UBXN2B: variants seen among roughly 807,000 people sequenced by gnomAD.
UBXN2B encodes UBX domain-containing protein 2B.
In UBXN2B, 19 loss-of-function variants were observed where a neutral mutation model predicts 37.5. The ratio of observed to expected loss-of-function variants is 0.51; its 90% CI spans 0.35 to 0.74. The LOEUF (loss-of-function observed/expected upper bound fraction) is 0.74. UBXN2B is among the 30% of genes least tolerant of loss of function. UBXN2B has a pLI of 0.01. For missense variants in UBXN2B, 370 were observed against 393.2 expected (o/e 0.94, Z 0.50); for synonymous variants, 145 against 143.8 (o/e 1.01, Z -0.06).
rs753203604 is a variant in UBXN2B at position 58,439,621 on chromosome 8, C to G, written c.534-12C>G. On this transcript the variant is annotated splice_polypyrimidine_tract_variant and intron_variant, in intron 5 of 7. Transcript: ENST00000399598. ...AAACTTAATGATAACTTTTTTCCCC[C>G]CTTTTTAAAAGAGAGATTCCCCTGG... The G allele has an allele frequency of 4.4e-6, 7 of 1,584,522 alleles. No individual in the cohort carries two copies. Among genetic ancestry groups the G allele is most frequent in the Non-Finnish European group, 6.0e-6 (7 of 1,171,970 alleles).
At chr8:58,440,752 A>T (rs1280775077) in intron 6 of UBXN2B, among the ~76,000 whole-genome samples, 1 of 151,554 alleles carries the variant, frequency 6.6e-6, no homozygotes, top group Non-Finnish European at 1.5e-5. Context: ...CTGGTTGTCT[A>T]TTCTCCCCTT....
chr8:58,412,853 A>C (rs1001281562), intron 1 of UBXN2B, among the ~76,000 whole-genome samples: 3 of 152,216 alleles, frequency 2.0e-5, no homozygotes, highest in Non-Finnish European at 4.4e-5. Flanking sequence ...AAATTCCTAC[A>C]TTATCCTGGC....
rs1184387249 is a variant in UBXN2B at position 58,450,714 on chromosome 8, ACT to A, written c.*3166_*3167del. 6.6e-6 allele frequency: 1 copy of A among 151,812 alleles called. No individual in the cohort carries two copies. 9.4% of individuals were successfully genotyped at this position (151,812 alleles called of 1,614,324 possible). A position where few individuals can be genotyped will look rare whatever the true frequency, so the allele number is the denominator to read the frequency against. On this transcript the variant is annotated 3_prime_UTR_variant, in exon 8 of 8. Transcript: ENST00000399598. ...CAGCAGCACCTCAAGTACCTAGAAAACTCTTTTATGCCTGCTTCTCTGCCAGA... is the reference window on the plus strand; with the variant it reads ...CAGCAGCACCTCAAGTACCTAGAAAACTTTTATGCCTGCTTCTCTGCCAGA...
Position 58,418,682 on chromosome 8 carries a change from C to A in UBXN2B, c.188+1729C>A, listed in dbSNP as rs1221836328. 3.3e-5 allele frequency among the ~76,000 whole-genome samples: 5 copies of A among 152,224 alleles called. No homozygotes were observed. In the East Asian group the frequency reaches 9.6e-4, roughly 29 times the overall value. On this transcript the variant is annotated intron_variant, in intron 2 of 7. Coordinates refer to ENST00000399598, the MANE Select transcript of UBXN2B (RefSeq NM_001077619.2). The stretch of plus-strand genomic sequence containing the variant: ...TTGGTTAAGGTGCTGACCACCACAG[C>A]ACTCCATTGTAAGATACTGTGTGTC...
chr8:58,430,597 CAA>C lies in UBXN2B; in HGVS notation c.269_270del (p.Lys90ArgfsTer12), dbSNP rs1563462054. On this transcript the variant is annotated frameshift_variant, in exon 3 of 8. Coordinates refer to ENST00000399598, the MANE Select transcript of UBXN2B (RefSeq NM_001077619.2). LOFTEE classifies it high-confidence loss of function. Reference sequence around the variant, plus strand: ...CTGGGAAAATTGTGAATGAACTTTTCAAAGAGGCAAGGGAACATGGGGCTGTC... The same window carrying C: ...CTGGGAAAATTGTGAATGAACTTTTCAGAGGCAAGGGAACATGGGGCTGTC... ...STGKIVNELF[K>X]EAREHGAVPL... 1.2e-6 allele frequency: 2 copies of C among 1,605,390 alleles called. No homozygotes were observed. Among genetic ancestry groups the C allele is most frequent in the Non-Finnish European group, 1.7e-6 (2 of 1,175,148 alleles).
intron 2 of UBXN2B, among the ~76,000 whole-genome samples, chr8:58,424,328 A>G (rs1458943673): frequency 6.6e-6 from 1 of 152,282 alleles, no homozygotes; most frequent in East Asian, 1.9e-4. Flanking sequence ...ACAAAATTCT[A>G]TAAAATATAA....
At chr8:58,439,088 G>A (rs1274789296) in intron 5 of UBXN2B, among the ~76,000 whole-genome samples, 1 of 152,132 alleles carries the variant, frequency 6.6e-6, no homozygotes, top group Non-Finnish European at 1.5e-5. Context: ...CACTGTGATT[G>A]TAAGTTTCCC....
chr8:58,422,690 G>A (rs907785687), intron 2 of UBXN2B, among the ~76,000 whole-genome samples: 25 of 152,196 alleles, frequency 1.6e-4, no homozygotes. Flanking sequence ...GTCTGGGAGT[G>A]CCCCAGTGGG....
Position 58,434,439 on chromosome 8 carries a change from T to A in UBXN2B, c.468T>A (p.Asp156Glu). ...TGTGGAGCAATGGTTTCAGTTTAGA[T>A]GATGGAGAATTGAGACCTTACAATG... Reference protein sequence around the residue: ...LKLWSNGFSLDDGELRPYNEP... With the variant: ...LKLWSNGFSLEDGELRPYNEP... The change falls in exon 5 of 8, where the codon GAT becomes GAA. Residue 156 changes from aspartate (D) to glutamate (E), a missense_variant. Coordinates refer to ENST00000399598, the MANE Select transcript of UBXN2B (RefSeq NM_001077619.2). 2 of 1,547,396 alleles carry A rather than the reference T, an allele frequency of 1.3e-6. No homozygotes were observed. The highest frequency in any genetic ancestry group is 8.7e-7 in the Non-Finnish European group (1 of 1,147,522).
At position 58,423,079 on chromosome 8, in the gene UBXN2B, AATCATCATCATCATCATC is replaced by A. The variant is rs35213875; in HGVS notation, c.188+6152_188+6169del. ...CTCCAGCTCTCTTCTGGTGAGACGA[AATCATCATCATCATCATC>A]ATCATCATCATCATCATCATCATCA... On this transcript the variant is annotated intron_variant, in intron 2 of 7. Coordinates refer to ENST00000399598, the MANE Select transcript of UBXN2B (RefSeq NM_001077619.2). Among the ~76,000 whole-genome samples, 14 of 149,050 alleles carry A rather than the reference AATCATCATCATCATCATC, an allele frequency of 9.4e-5. No individual in the cohort carries two copies. The East Asian group carries it at 2.6e-3, about 28-fold the overall frequency.
intron 2 of UBXN2B, among the ~76,000 whole-genome samples, chr8:58,428,994 T>A (rs755752247): frequency 2.2e-4 from 33 of 152,172 alleles, no homozygotes; most frequent in Non-Finnish European, 3.7e-4. Context: ...ATATAGAAAT[T>A]AAAACAAATT....
intron 2 of UBXN2B, among the ~76,000 whole-genome samples, chr8:58,422,786 G>A (rs528515840): frequency 3.9e-5 from 6 of 152,292 alleles, no homozygotes; most frequent in Non-Finnish European, 7.4e-5. Flanking sequence ...CCAAAAACAG[G>A]CTCAGGATTG....
At chr8:58,426,538 C>T (rs1808096628) in intron 2 of UBXN2B, 2 of 742,874 alleles carry the variant, frequency 2.7e-6, no homozygotes, top group Non-Finnish European at 2.5e-6. Context: ...TGGGTGACAG[C>T]TCCATTTCTT....
chr8:58,413,795 A>G (rs1807703533), intron 1 of UBXN2B, among the ~76,000 whole-genome samples: 1 of 152,176 alleles, frequency 6.6e-6, no homozygotes, highest in Non-Finnish European at 1.5e-5. Context: ...GTAGATTTTC[A>G]TAGCTCCCTT....
chr8:58,414,303 T>C (rs1290196516), intron 1 of UBXN2B, among the ~76,000 whole-genome samples: 3 of 152,216 alleles, frequency 2.0e-5, no homozygotes, highest in Admixed American at 6.5e-5. Context: ...TTTAAGCATA[T>C]GCATTTCCTA....
At chr8:58,423,820 T>C (rs1205840260) in intron 2 of UBXN2B, among the ~76,000 whole-genome samples, 1 of 151,812 alleles carries the variant, frequency 6.6e-6, no homozygotes, top group Non-Finnish European at 1.5e-5. Flanking sequence ...TGGTCATTCA[T>C]AGATGCCTTT....
At chr8:58,439,492 CATT>C in intron 5 of UBXN2B, 138 bp from the exon 6 acceptor site, 1 of 985,894 alleles carries the variant, frequency 1.0e-6, no homozygotes, top group Non-Finnish European at 1.4e-6. Context: ...ACTGATCAGT[CATT>C]ATGGAAATTT....
intron 2 of UBXN2B, among the ~76,000 whole-genome samples, chr8:58,421,190 A>G (rs963461776): frequency 6.6e-6 from 1 of 152,226 alleles, no homozygotes; most frequent in African/African-American, 2.4e-5. Flanking sequence ...CCCCGAAGCA[A>G]CTGGGCTCTT....
rs1336964255 is a variant in UBXN2B at position 58,450,285 on chromosome 8, A to C, written c.*2734A>C. ...CTTTCCACATTTTACTATAATCAGC[A>C]AGAAGACAGCAGGCTGTACCTTCCA... is the stretch of plus-strand genomic sequence containing the variant. On this transcript the variant is annotated 3_prime_UTR_variant, in exon 8 of 8. Transcript: ENST00000399598. 6.6e-6 allele frequency: 1 copy of C among 152,172 alleles called. No homozygotes were observed. Among genetic ancestry groups the C allele is most frequent in the Non-Finnish European group, 1.5e-5 (1 of 68,018 alleles). The allele number at this position is 152,172 out of a possible 1,614,324, so 9.4% of individuals were successfully genotyped here.
Sources: gnomAD v4.1 joint callset for allele counts (sites outside exome capture counted in the v4.1 genomes callset) on GRCh38, gnomAD v4.1.1 for gene constraint, MANE v1.5 for transcripts, NCBI Gene and HGNC (gene_info 2026-07-23, HGNC 2026-07-21) for gene names.